Variants in IMMP2L observed in about 807,000 individuals in gnomAD.
IMMP2L encodes the protein inner mitochondrial membrane peptidase subunit 2.
IMMP2L carries 18 observed loss-of-function variants against 19.3 expected under a neutral mutation model. The observed-to-expected ratio is 0.93, with a 90% CI of 0.64 to 1.38. The LOEUF (loss-of-function observed/expected upper bound fraction) is 1.38. Ranked by LOEUF, IMMP2L falls within the 40% of genes most tolerant of loss-of-function variation. The pLI is 0.00. For synonymous variants in IMMP2L, 76 were observed against 73.0 expected (o/e 1.04, Z -0.21); for missense variants, 233 against 218.2 (o/e 1.07, Z -0.43).
At chr7:110,954,158 C>T (rs1428028801) in intron 4 of IMMP2L, among the ~76,000 whole-genome samples, 2 of 152,022 alleles carry the variant, frequency 1.3e-5, no homozygotes, top group East Asian at 3.9e-4. Flanking sequence ...CTACTAAGCA[C>T]ACATTATTTT....
intron 5 of IMMP2L, among the ~76,000 whole-genome samples, chr7:110,772,994 A>C (rs924953008): frequency 6.6e-6 from 1 of 152,030 alleles, no homozygotes; most frequent in Non-Finnish European, 1.5e-5. Flanking sequence ...ACTACCCTTA[A>C]AATAATTACA....
chr7:110,674,011 C>A (rs1792109794), intron 5 of IMMP2L, among the ~76,000 whole-genome samples: 1 of 152,152 alleles, frequency 6.6e-6, no homozygotes, highest in African/African-American at 2.4e-5. Flanking sequence ...CTCCCAGTAC[C>A]AACTTACTGT....
chr7:111,185,958 A>G (rs535892397), intron 3 of IMMP2L, among the ~76,000 whole-genome samples: 1 of 152,216 alleles, frequency 6.6e-6, no homozygotes, highest in East Asian at 1.9e-4. Context: ...TACCTTCAAC[A>G]CTACACTACT....
At chr7:111,439,160 G>A (rs1837476056) in intron 3 of IMMP2L, among the ~76,000 whole-genome samples, 1 of 151,818 alleles carries the variant, frequency 6.6e-6, no homozygotes, top group Non-Finnish European at 1.5e-5. Flanking sequence ...TCTCCCTGAA[G>A]TTTACATCCT....
At chr7:110,869,716 G>A (rs763760966) in intron 5 of IMMP2L, among the ~76,000 whole-genome samples, 1 of 152,036 alleles carries the variant, frequency 6.6e-6, no homozygotes, top group Non-Finnish European at 1.5e-5. Flanking sequence ...AGCTCCTAAG[G>A]TGATTCTAAT....
chr7:111,195,827 TATTTCATTTC>T lies in IMMP2L; in HGVS notation c.240-232272_240-232263del, dbSNP rs199610368. 0.011 allele frequency among the ~76,000 whole-genome samples: 537 copies of T among 47,054 alleles called. 7 individuals carry two copies. The East Asian group carries it at 0.32, about 28-fold the overall frequency. 30.9% of individuals were successfully genotyped at this position (47,054 alleles called of 152,430 possible). On this transcript the variant is annotated intron_variant, in intron 3 of 5. Transcript: ENST00000405709. ...TTAATTTTTATTGTTTATTTTATTT[TATTTCATTTC>T]ATTTCATTTCATTTCATTTCATTTT...
intron 3 of IMMP2L, among the ~76,000 whole-genome samples, chr7:111,263,059 G>A (rs1587117637): frequency 2.0e-5 from 3 of 152,118 alleles, no homozygotes; most frequent in African/African-American, 4.8e-5. Context: ...TTAACGAGTA[G>A]TCAGATAATA....
At chr7:111,148,283 T>A (rs1466079481) in intron 3 of IMMP2L, among the ~76,000 whole-genome samples, 1 of 152,084 alleles carries the variant, frequency 6.6e-6, no homozygotes. Flanking sequence ...ATGATTCCAA[T>A]TACATGAAAT....
chr7:111,311,612 C>T (rs1344706612), intron 3 of IMMP2L, among the ~76,000 whole-genome samples: 3 of 152,036 alleles, frequency 2.0e-5, no homozygotes, highest in African/African-American at 7.2e-5. Flanking sequence ...ATACAGTTGC[C>T]CTCATTTCAT....
intron 4 of IMMP2L, among the ~76,000 whole-genome samples, chr7:110,946,172 C>T (rs938156439): frequency 2.6e-5 from 4 of 152,104 alleles, no homozygotes; most frequent in Admixed American, 6.6e-5. Flanking sequence ...CCAAAGTTTC[C>T]GATTCAAAGT....
chr7:111,181,639 T>C (rs530078384), intron 3 of IMMP2L, among the ~76,000 whole-genome samples: 1 of 152,098 alleles, frequency 6.6e-6, no homozygotes, highest in Admixed American at 6.6e-5. Context: ...AAACTTGAAC[T>C]TTCCAATTTT....
chr7:110,740,202 A>T (rs1796905937), intron 5 of IMMP2L, among the ~76,000 whole-genome samples: 1 of 152,190 alleles, frequency 6.6e-6, no homozygotes, highest in South Asian at 2.1e-4. Context: ...AAGAAGAAAC[A>T]TAACAAAGAT....
intron 1 of IMMP2L, among the ~76,000 whole-genome samples, chr7:111,533,929 G>T (rs745940623): frequency 6.6e-6 from 1 of 151,652 alleles, no homozygotes; most frequent in African/African-American, 2.4e-5. Flanking sequence ...TATAATATCA[G>T]TATCTCTAAA....
In IMMP2L at chr7:110,980,227, C is replaced by CTTTTTTTTTT. The variant is rs1218434499; in HGVS notation, c.240-16672_240-16663dup. Among the ~76,000 whole-genome samples the CTTTTTTTTTT allele has an allele frequency of 2.6e-4, 24 of 91,896 alleles. 2 individuals carry two copies. Among genetic ancestry groups the CTTTTTTTTTT allele is most frequent in the Non-Finnish European group, 3.9e-4 (19 of 48,914 alleles). The allele number at this position is 91,896 out of a possible 152,430, so 60.3% of individuals were successfully genotyped here. A position where few individuals can be genotyped will look rare whatever the true frequency, so the allele number is the denominator to read the frequency against. On this transcript the variant is annotated intron_variant, in intron 3 of 5. Coordinates refer to ENST00000405709, the MANE Select transcript of IMMP2L (RefSeq NM_032549.4). ...TTATATGACTGTATTTGTGCTGCTT[C>CTTTTTTTTTT]TTTTTTTTTTTTTTTTTTTTTTAGG...
intron 4 of IMMP2L, among the ~76,000 whole-genome samples, chr7:110,939,062 G>A (rs2129552734): frequency 6.6e-6 from 1 of 152,172 alleles, no homozygotes; most frequent in Admixed American, 6.5e-5. Context: ...AGAAAATAGA[G>A]CTCCCAAAGC....
chr7:110,977,916 C>T (rs1820871733), intron 3 of IMMP2L, among the ~76,000 whole-genome samples: 1 of 151,992 alleles, frequency 6.6e-6, no homozygotes, highest in African/African-American at 2.4e-5. Context: ...AATTTAATTG[C>T]TCCAGTAAAA....
chr7:111,155,329 G>T (rs553242678), intron 3 of IMMP2L, among the ~76,000 whole-genome samples: 2 of 152,174 alleles, frequency 1.3e-5, no homozygotes, highest in South Asian at 4.1e-4. Context: ...TTCAACTCTG[G>T]CTGCCTCTGC....
At chr7:111,174,083 T>G (rs1410896886) in intron 3 of IMMP2L, among the ~76,000 whole-genome samples, 2 of 151,510 alleles carry the variant, frequency 1.3e-5, no homozygotes, top group Admixed American at 1.3e-4. Context: ...TAAAGAAAAA[T>G]TATACACATA....
At chr7:110,937,582 T>C (rs1172207336) in intron 4 of IMMP2L, among the ~76,000 whole-genome samples, 1 of 152,190 alleles carries the variant, frequency 6.6e-6, no homozygotes, top group African/African-American at 2.4e-5. Context: ...TATTTCATGA[T>C]TTTTGAGTTA....
Sources: gnomAD v4.1 joint callset for allele counts (sites outside exome capture counted in the v4.1 genomes callset) on GRCh38, gnomAD v4.1.1 for gene constraint, MANE v1.5 for transcripts, NCBI Gene and HGNC (gene_info 2026-07-23, HGNC 2026-07-21) for gene names.